The following CENPP variants were observed in gnomAD, a reference collection of about 807,000 sequenced individuals.
The protein encoded by CENPP is centromere protein P.
Under a neutral mutation model 35.6 loss-of-function variants are expected in CENPP, and 24 were observed. That is an observed-to-expected ratio of 0.67 (90% CI 0.49 to 0.95). The LOEUF (loss-of-function observed/expected upper bound fraction) is 0.95. Ranked by LOEUF, CENPP falls within the 40% of genes least tolerant of loss-of-function variation. The pLI is 0.00. For synonymous variants in CENPP, 120 were observed against 125.5 expected (o/e 0.96, Z 0.29); for missense variants, 332 against 345.3 (o/e 0.96, Z 0.31).
intron 5 of CENPP, among the ~76,000 whole-genome samples, chr9:92,561,266 A>T (rs10761164): frequency 0.43 from 65,254 of 152,022 alleles, 16,605 homozygotes; most frequent in African/African-American, 0.71. Context: ...GAACAAGACA[A>T]ACTACCATCC....
intron 5 of CENPP, among the ~76,000 whole-genome samples, chr9:92,444,569 A>G (rs1844503639): frequency 6.6e-6 from 1 of 152,062 alleles, no homozygotes; most frequent in Non-Finnish European, 1.5e-5. Context: ...GCATAATCCA[A>G]ACTCATGAGT....
intron 5 of CENPP, among the ~76,000 whole-genome samples, chr9:92,496,997 G>T (rs555270165): frequency 6.6e-6 from 1 of 150,870 alleles, no homozygotes; most frequent in East Asian, 1.9e-4. Context: ...AGCCTGGACC[G>T]ATCAAATACC....
intron 5 of CENPP, among the ~76,000 whole-genome samples, chr9:92,535,215 A>G (rs768781940): frequency 7.2e-5 from 11 of 152,208 alleles, no homozygotes; most frequent in Non-Finnish European, 1.5e-4. Flanking sequence ...GTCTCACTAC[A>G]GTGTTTAAAT....
At chr9:92,386,601 G>C (rs1842431846) in intron 5 of CENPP, among the ~76,000 whole-genome samples, 1 of 152,016 alleles carries the variant, frequency 6.6e-6, no homozygotes, top group Non-Finnish European at 1.5e-5. Context: ...TACTCTTTGT[G>C]TTTGTCTTGA....
Position 92,616,056 on chromosome 9 carries a change from A to G in CENPP, c.*2907A>G, listed in dbSNP as rs1420913516. 2 of 1,611,504 alleles carry G rather than the reference A, an allele frequency of 1.2e-6. No individual in the cohort carries two copies. Among genetic ancestry groups the G allele is most frequent in the Non-Finnish European group, 1.7e-6 (2 of 1,178,128 alleles). The stretch of plus-strand genomic sequence containing the variant: ...GAAGGGACGACAGGCCTTTGATCAG[A>G]GCTGCAAGTAAAAAGTACCATTTCA... On this transcript the variant is annotated 3_prime_UTR_variant, in exon 8 of 8. Coordinates refer to ENST00000375587, the MANE Select transcript of CENPP (RefSeq NM_001012267.3).
intron 5 of CENPP, among the ~76,000 whole-genome samples, chr9:92,576,958 A>G (rs553124590): frequency 7.2e-5 from 11 of 152,362 alleles, no homozygotes; most frequent in African/African-American, 2.6e-4. Flanking sequence ...TGTTAAATCC[A>G]TTAATAAAAG....
intron 5 of CENPP, among the ~76,000 whole-genome samples, chr9:92,545,215 G>A (rs1849406672): frequency 6.6e-6 from 1 of 151,956 alleles, no homozygotes; most frequent in South Asian, 2.1e-4. Flanking sequence ...GGCCGGAGCC[G>A]GCTCGGACCT....
chr9:92,581,971 C>T (rs549751366), intron 5 of CENPP, among the ~76,000 whole-genome samples: 3 of 152,112 alleles, frequency 2.0e-5, no homozygotes, highest in South Asian at 2.1e-4. Flanking sequence ...CTAAGGTAAC[C>T]CCTTAACAAA....
intron 5 of CENPP, among the ~76,000 whole-genome samples, chr9:92,454,912 G>A (rs1285726469): frequency 6.6e-6 from 1 of 152,066 alleles, no homozygotes; most frequent in Non-Finnish European, 1.5e-5. Flanking sequence ...TCATACCATG[G>A]TCTTCCCTCT....
At chr9:92,514,945 C>T in intron 5 of CENPP, 1 of 1,614,106 alleles carries the variant, frequency 6.2e-7, no homozygotes, top group Non-Finnish European at 8.5e-7. Context: ...TCTGTCTCCT[C>T]CTCTGCTGTC....
chr9:92,478,390 A>G (rs1184563388), intron 5 of CENPP, among the ~76,000 whole-genome samples: 1 of 152,136 alleles, frequency 6.6e-6, no homozygotes, highest in Non-Finnish European at 1.5e-5. Flanking sequence ...GGAAATGAAG[A>G]TTTTGACAAG....
At chr9:92,417,343 A>G in intron 5 of CENPP, 1 of 1,614,054 alleles carries the variant, frequency 6.2e-7, no homozygotes, top group Non-Finnish European at 8.5e-7. Flanking sequence ...TTGATGATGG[A>G]AAGTTAGTTG....
intron 5 of CENPP, among the ~76,000 whole-genome samples, chr9:92,572,405 T>C (rs1850166484): frequency 6.6e-6 from 1 of 152,240 alleles, no homozygotes; most frequent in African/African-American, 2.4e-5. Context: ...TTAAGAATGT[T>C]GAATATCGGC....
In CENPP at chr9:92,618,430, G is replaced by A. The variant is rs966139798; in HGVS notation, c.*5281G>A. 3 of 456,552 alleles carry A rather than the reference G, an allele frequency of 6.6e-6. No homozygotes were observed. In the East Asian group the frequency reaches 2.1e-4, roughly 32 times the overall value. The allele number at this position is 456,552 out of a possible 1,614,324, so 28.3% of individuals were successfully genotyped here. On this transcript the variant is annotated 3_prime_UTR_variant, in exon 8 of 8. Transcript: ENST00000375587. ...ACTAAGAGATTCCCAGGTGCTAGAC[G>A]AGGTGAGTAACATGTCTGTCCTTCA...
At chr9:92,334,916 G>A (rs780054137) in intron 2 of CENPP, among the ~76,000 whole-genome samples, 1 of 151,910 alleles carries the variant, frequency 6.6e-6, no homozygotes, top group African/African-American at 2.4e-5. Flanking sequence ...GCCGGTTGTG[G>A]TGGCTCATAC....
At chr9:92,329,438 G>A (rs747708684) in intron 1 of CENPP, among the ~76,000 whole-genome samples, 97 of 152,244 alleles carry the variant, frequency 6.4e-4, no homozygotes, top group Non-Finnish European at 1.1e-3. Flanking sequence ...TGCCCACCTC[G>A]GCATCCCAAA....
intron 5 of CENPP, among the ~76,000 whole-genome samples, chr9:92,493,072 G>T (rs1846217728): frequency 6.6e-6 from 1 of 152,234 alleles, no homozygotes; most frequent in Non-Finnish European, 1.5e-5. Flanking sequence ...TGTAGCTGGA[G>T]CTGGAGAAAG....
intron 5 of CENPP, among the ~76,000 whole-genome samples, chr9:92,584,159 A>G (rs1850491631): frequency 6.6e-6 from 1 of 152,182 alleles, no homozygotes; most frequent in African/African-American, 2.4e-5. Context: ...TACCATTCAA[A>G]TGACTCCCAT....
chr9:92,579,019 G>C (rs1313239556), intron 5 of CENPP, among the ~76,000 whole-genome samples: 6 of 151,436 alleles, frequency 4.0e-5, no homozygotes, highest in African/African-American at 4.8e-5. Flanking sequence ...TTCTACATAC[G>C]GCTAGCCAGT....
Sources: allele counts gnomAD v4.1 joint callset (sites outside exome capture counted in the v4.1 genomes callset), GRCh38; gene constraint gnomAD v4.1.1; transcripts MANE v1.5; gene names NCBI Gene and HGNC (gene_info 2026-07-23, HGNC 2026-07-21).